The following ERN1 variants were observed in gnomAD, a reference collection of about 807,000 sequenced individuals.
ERN1 encodes the protein endoplasmic reticulum to nucleus signaling 1, also known as serine/threonine-protein kinase/endoribonuclease IRE1.
ERN1 carries 39 observed loss-of-function variants against 113.1 expected under a neutral mutation model. That is an observed-to-expected ratio of 0.34 (90% CI 0.27 to 0.45). ERN1 has a LOEUF of 0.45. Among genes scored for constraint, ERN1 ranks in the 20% least tolerant of loss-of-function variants. The pLI is 1.00. For synonymous variants in ERN1, 507 were observed against 515.9 expected, an observed-to-expected ratio of 0.98 and a Z score of 0.23; for missense variants, 976 against 1,274.8, an observed-to-expected ratio of 0.77 and a Z score of 3.57.
chr17:64,053,853 C>T (rs1405774916), intron 15 of ERN1: 1 of 169,458 alleles, frequency 5.9e-6, no homozygotes, highest in Non-Finnish European at 1.3e-5. Context: ...TAAAAATGCT[C>T]CACATTTTGA....
At chr17:64,045,266 G>C in intron 20 of ERN1, 93 bp downstream of exon 20, 5 of 1,489,438 alleles carry the variant, frequency 3.4e-6, no homozygotes, top group South Asian at 2.4e-5. Context: ...TGTGGGGCCT[G>C]AACAGCCTGG....
intron 6 of ERN1, among the ~76,000 whole-genome samples, chr17:64,071,011 G>C (rs1913396553): frequency 6.6e-6 from 1 of 152,234 alleles, no homozygotes; most frequent in Non-Finnish European, 1.5e-5. Flanking sequence ...ATATTCTAGT[G>C]AGGGAGGCAG....
At chr17:64,125,420 C>A (rs938699444) in intron 1 of ERN1, among the ~76,000 whole-genome samples, 2 of 152,192 alleles carry the variant, frequency 1.3e-5, no homozygotes, top group Admixed American at 1.3e-4. Flanking sequence ...CTTATTACCA[C>A]ATCAACCCTG....
chr17:64,093,573 T>G (rs945809404), intron 2 of ERN1, among the ~76,000 whole-genome samples: 1 of 152,182 alleles, frequency 6.6e-6, no homozygotes, highest in African/African-American at 2.4e-5. Flanking sequence ...CTTCTTGGCT[T>G]GCAGACGGCC....
At chr17:64,119,376 G>GTTGTTTTTTTTTTTGTT (rs777806993) in intron 1 of ERN1, among the ~76,000 whole-genome samples, 1 of 77,896 alleles carries the variant, frequency 1.3e-5, no homozygotes, top group African/African-American at 5.6e-5. Flanking sequence ...TTTTTTCTAG[G>GTTGTTTTTTTTTTTGTT]TTTTTTTTTT....
intron 1 of ERN1, among the ~76,000 whole-genome samples, chr17:64,110,484 T>C (rs1914643221): frequency 6.6e-6 from 1 of 152,212 alleles, no homozygotes; most frequent in Non-Finnish European, 1.5e-5. Context: ...AAATGTCCTT[T>C]GATGAAGACG....
At chr17:64,105,481 CAGA>C (rs1914500004) in intron 1 of ERN1, among the ~76,000 whole-genome samples, 1 of 152,002 alleles carries the variant, frequency 6.6e-6, no homozygotes, top group Non-Finnish European at 1.5e-5. Flanking sequence ...TCCAACAGAC[CAGA>C]AGTTTATATA....
At chr17:64,056,931 G>A (rs1912890451) in intron 12 of ERN1, among the ~76,000 whole-genome samples, 1 of 152,216 alleles carries the variant, frequency 6.6e-6, no homozygotes, top group African/African-American at 2.4e-5. Flanking sequence ...CGGGTCATTA[G>A]CTTCCTGAGC....
intron 1 of ERN1, among the ~76,000 whole-genome samples, chr17:64,118,236 A>G (rs910920657): frequency 1.3e-5 from 2 of 152,200 alleles, no homozygotes; most frequent in Non-Finnish European, 2.9e-5. Context: ...AGAGGGGGAA[A>G]TAACTCATTT....
At chr17:64,096,740 AT>A (rs1284235533) in intron 2 of ERN1, among the ~76,000 whole-genome samples, 1 of 152,206 alleles carries the variant, frequency 6.6e-6, no homozygotes, top group East Asian at 1.9e-4. Context: ...GTTAATTCTT[AT>A]GTTTGACTAA....
chr17:64,065,747 G>A (rs1913203193), intron 8 of ERN1, among the ~76,000 whole-genome samples: 2 of 152,120 alleles, frequency 1.3e-5, no homozygotes, highest in South Asian at 4.1e-4. Context: ...GAACTCCTGA[G>A]AAATGGTCAG....
chr17:64,081,923 C>T (rs957988848), intron 2 of ERN1, among the ~76,000 whole-genome samples: 3 of 152,172 alleles, frequency 2.0e-5, no homozygotes, highest in African/African-American at 7.2e-5. Context: ...AGTCCGCAGG[C>T]AGGAGACTCA....
chr17:64,054,249 C>A lies in ERN1; in HGVS notation c.1953+1G>T. 6.2e-7 allele frequency: 1 copy of A among 1,606,616 alleles called. No individual in the cohort carries two copies. Among genetic ancestry groups the A allele is most frequent in the Non-Finnish European group, 8.5e-7 (1 of 1,175,032 alleles). ...TAACAAAATAAAAAAAATAAATCCACCTCTTGCAGGGTGGCTGCACACAGC... is the reference window on the plus strand; with the variant it reads ...TAACAAAATAAAAAAAATAAATCCAACTCTTGCAGGGTGGCTGCACACAGC... On this transcript the variant is annotated splice_donor_variant, in intron 15 of 21. Coordinates refer to ENST00000433197, the MANE Select transcript of ERN1 (RefSeq NM_001433.5). LOFTEE classifies it high-confidence loss of function. This position sits in a 1 kb window ranked among gnomAD's most constrained non-coding sequence, Gnocchi z 4.9.
At chr17:64,114,697 T>C (rs1397051263) in intron 1 of ERN1, among the ~76,000 whole-genome samples, 1 of 151,996 alleles carries the variant, frequency 6.6e-6, no homozygotes, top group Admixed American at 6.6e-5. Flanking sequence ...GTTCACATCG[T>C]TGTAAAGCCA....
chr17:64,068,139 T>C lies in ERN1; in HGVS notation c.580+51A>G, dbSNP rs983255831. 7 of 1,295,614 alleles carry C rather than the reference T, an allele frequency of 5.4e-6. No individual in the cohort carries two copies. In the African/African-American group the frequency reaches 1.0e-4, roughly 19 times the overall value. The allele number at this position is 1,295,614 out of a possible 1,614,324, so 80.3% of individuals were successfully genotyped here. A position where few individuals can be genotyped will look rare whatever the true frequency, so the allele number is the denominator to read the frequency against. ...ACTTTCTGGAGCCACTGTTTCCACATAGGTCAAAAGTACTGGCCCAAGCTT... is the reference window on the plus strand; with the variant it reads ...ACTTTCTGGAGCCACTGTTTCCACACAGGTCAAAAGTACTGGCCCAAGCTT... On this transcript the variant is annotated intron_variant, in intron 7 of 21. Transcript: ENST00000433197.
intron 1 of ERN1, among the ~76,000 whole-genome samples, chr17:64,121,271 C>T (rs992083951): frequency 1.3e-5 from 2 of 152,126 alleles, no homozygotes; most frequent in Non-Finnish European, 2.9e-5. Context: ...AGAACCAGCA[C>T]GGTAATGCAA....
At chr17:64,106,549 G>C (rs775510220) in intron 1 of ERN1, among the ~76,000 whole-genome samples, 1 of 152,190 alleles carries the variant, frequency 6.6e-6, no homozygotes, top group Non-Finnish European at 1.5e-5. Flanking sequence ...GTGCTGTCTA[G>C]ATGGATAAGA....
At chr17:64,094,185 T>G (rs1567877982) in intron 2 of ERN1, among the ~76,000 whole-genome samples, 1 of 152,334 alleles carries the variant, frequency 6.6e-6, no homozygotes, top group East Asian at 1.9e-4. Context: ...GTAAGGCAGG[T>G]AAGGCTGTAC....
chr17:64,130,022 G>T lies in ERN1; in HGVS notation c.8C>A (p.Ala3Asp). MP[A>D]RRLLLLLTLL... ...CGTCAGCAGCAGCAGCAGCCGCCGG[G>T]CCGGCATGGCGAGGACTCGGCCCTG... Residue 3 changes from alanine to aspartate, a missense_variant, in exon 1 of 22, where the codon GCC becomes GAC. This residue lies in a region of ERN1 where 459 missense variants were observed against 581.2 expected (regional missense o/e 0.79). Transcript: ENST00000433197. This position sits in a 1 kb window ranked among gnomAD's most constrained non-coding sequence, Gnocchi z 4.0. 1 of 1,431,428 alleles carries T rather than the reference G, an allele frequency of 7.0e-7. No individual in the cohort carries two copies. Among genetic ancestry groups the T allele is most frequent in the Non-Finnish European group, 9.1e-7 (1 of 1,098,956 alleles). 88.7% of individuals were successfully genotyped at this position (1,431,428 alleles called of 1,614,324 possible). A position where few individuals can be genotyped will look rare whatever the true frequency, so the allele number is the denominator to read the frequency against.
Sources: allele counts gnomAD v4.1 joint callset (sites outside exome capture counted in the v4.1 genomes callset), GRCh38; gene constraint gnomAD v4.1.1; regional missense constraint gnomAD v4.1.1; non-coding constraint Gnocchi (gnomAD v3.1); transcripts MANE v1.5; gene names NCBI Gene and HGNC (gene_info 2026-07-23, HGNC 2026-07-21).